Variants in SLC36A1 observed in about 807,000 individuals in gnomAD.
The protein encoded by SLC36A1 is proton-coupled amino acid transporter 1.
SLC36A1 carries 30 observed loss-of-function variants against 47.5 expected under a neutral mutation model. The ratio of observed to expected loss-of-function variants is 0.63; its 90% CI spans 0.47 to 0.86. The LOEUF (loss-of-function observed/expected upper bound fraction) is 0.86, where lower values mean the gene tolerates loss of function less well. SLC36A1 is among the 40% of genes least tolerant of loss of function. SLC36A1 has a pLI of 0.00. For missense variants in SLC36A1, 517 were observed against 606.0 expected (o/e 0.85, Z 1.54); for synonymous variants, 255 against 249.7 (o/e 1.02, Z -0.20).
At chr5:151,516,417 G>T in the SLC36A1 span, among the ~76,000 whole-genome samples, 2 of 152,148 alleles carry the variant, frequency 1.3e-5, no homozygotes, top group Non-Finnish European at 2.9e-5. Context: ...TCCAGAGACT[G>T]AGACACAAGA....
intron 5 of SLC36A1, among the ~76,000 whole-genome samples, chr5:151,466,155 T>C (rs751177687): frequency 6.6e-6 from 1 of 152,168 alleles, no homozygotes; most frequent in Admixed American, 6.5e-5. Flanking sequence ...TTCCTTCCAT[T>C]CTTTCTTACT....
chr5:151,542,784 G>C, the SLC36A1 span: 4 of 1,614,204 alleles, frequency 2.5e-6, no homozygotes, highest in Non-Finnish European at 3.4e-6. Context: ...TGTTGACAGA[G>C]ACCAAGGACA....
At chr5:151,391,248 T>C in the SLC36A1 span, among the ~76,000 whole-genome samples, 3 of 152,238 alleles carry the variant, frequency 2.0e-5, no homozygotes, top group Non-Finnish European at 4.4e-5. Flanking sequence ...TTTTGCACAT[T>C]GATTTTTTAT....
the SLC36A1 span, chr5:151,554,457 C>T: frequency 1.1e-5 from 18 of 1,614,188 alleles, no homozygotes; most frequent in African/African-American, 5.3e-5. Context: ...TCGCTGTCCT[C>T]GATACTGTAG....
chr5:151,397,115 G>A, the SLC36A1 span, among the ~76,000 whole-genome samples: 181 of 152,306 alleles, frequency 1.2e-3, no homozygotes, highest in African/African-American at 4.0e-3. Flanking sequence ...ACCCAATCTC[G>A]TTTGTGGAGT....
the SLC36A1 span, among the ~76,000 whole-genome samples, chr5:151,507,906 T>C: frequency 1.3e-5 from 2 of 152,180 alleles, no homozygotes; most frequent in Non-Finnish European, 2.9e-5. Context: ...AGGTCGGATT[T>C]CCTCCCATAT....
the SLC36A1 span, among the ~76,000 whole-genome samples, chr5:151,359,062 T>C: frequency 2.0e-5 from 3 of 151,538 alleles, no homozygotes; most frequent in African/African-American, 4.9e-5. Flanking sequence ...TACATTTTTA[T>C]AAATGCCTCA....
chr5:151,420,929 G>A, the SLC36A1 span, among the ~76,000 whole-genome samples: 11 of 148,776 alleles, frequency 7.4e-5, no homozygotes, highest in Non-Finnish European at 1.5e-4. Flanking sequence ...GGAGTGCAGT[G>A]GCACGATCTC....
chr5:151,533,109 C>T, the SLC36A1 span, among the ~76,000 whole-genome samples: 6 of 152,092 alleles, frequency 3.9e-5, no homozygotes, highest in Non-Finnish European at 8.8e-5. Context: ...TCTAGGAGAT[C>T]TGTGTGATTG....
the SLC36A1 span, among the ~76,000 whole-genome samples, chr5:151,390,713 T>A: frequency 2.0e-5 from 3 of 152,304 alleles, no homozygotes; most frequent in Non-Finnish European, 4.4e-5. Context: ...GATCAGATGG[T>A]TGTAGATGTG....
the SLC36A1 span, among the ~76,000 whole-genome samples, chr5:151,528,731 G>A: frequency 1.3e-5 from 2 of 152,094 alleles, no homozygotes; most frequent in African/African-American, 4.8e-5. Flanking sequence ...GGACAGAACT[G>A]GGTTTCACTC....
intron 8 of SLC36A1, 48 bp from the exon 9 acceptor site, chr5:151,476,542 C>T (rs763155502): frequency 7.3e-7 from 1 of 1,367,832 alleles, no homozygotes; most frequent in Non-Finnish European, 9.7e-7. Flanking sequence ...TGGCCATTAA[C>T]TTTTCTTTTT....
chr5:151,521,358 G>A, the SLC36A1 span: 1 of 1,614,200 alleles, frequency 6.2e-7, no homozygotes, highest in Non-Finnish European at 8.5e-7. Flanking sequence ...GCCCAACCTT[G>A]GGGTCCAGAT....
chr5:151,549,334 G>T, the SLC36A1 span: 1 of 1,613,496 alleles, frequency 6.2e-7, no homozygotes, highest in Non-Finnish European at 8.5e-7. Flanking sequence ...TTGACTCCCC[G>T]GTCAGCATCC....
the SLC36A1 span, among the ~76,000 whole-genome samples, chr5:151,381,650 A>G: frequency 0.2 from 30,040 of 152,020 alleles, 3,263 homozygotes; most frequent in East Asian, 0.41. Flanking sequence ...TGCACTTGAC[A>G]GATCAGCTGG....
chr5:151,507,019 A>G, the SLC36A1 span: 1 of 727,190 alleles, frequency 1.4e-6, no homozygotes. Flanking sequence ...AATCTTGAAC[A>G]CATCTCATCA....
At chr5:151,479,237 C>T (rs1001127348) in intron 9 of SLC36A1, 83 bp from the exon 10 acceptor site, 9 of 1,444,482 alleles carry the variant, frequency 6.2e-6, no homozygotes, top group African/African-American at 5.6e-5. Flanking sequence ...GTCAACAAAT[C>T]GCAATGGGAC....
rs1223459236 is a variant in SLC36A1 at position 151,491,701 on chromosome 5, A to G, written c.*3447A>G. 6.6e-6 allele frequency: 1 copy of G among 152,658 alleles called. No homozygotes were observed. Among genetic ancestry groups the G allele is most frequent in the Non-Finnish European group, 1.5e-5 (1 of 68,042 alleles). 9.5% of individuals were successfully genotyped at this position (152,658 alleles called of 1,614,324 possible). The stretch of plus-strand genomic sequence containing the variant: ...TTGTAGCTGCTGAGATGTTAAGGCA[A>G]GCCTCAGCATCTGCCCCTGCTGGGT... On this transcript the variant is annotated 3_prime_UTR_variant, in exon 11 of 11. Coordinates refer to ENST00000243389, the MANE Select transcript of SLC36A1 (RefSeq NM_078483.4).
the SLC36A1 span, among the ~76,000 whole-genome samples, chr5:151,364,796 C>T: frequency 6.6e-6 from 1 of 152,164 alleles, no homozygotes; most frequent in Non-Finnish European, 1.5e-5. Context: ...GCTCCAAGGA[C>T]ACCAACAGGC....
Sources: allele counts gnomAD v4.1 joint callset (sites outside exome capture counted in the v4.1 genomes callset), GRCh38; gene constraint gnomAD v4.1.1; transcripts MANE v1.5; gene names NCBI Gene and HGNC (gene_info 2026-07-23, HGNC 2026-07-21).